The following IL1R2 variants were observed in gnomAD, a reference collection of about 807,000 sequenced individuals.
IL1R2 encodes the protein interleukin 1 receptor type 2.
Under a neutral mutation model 39.5 loss-of-function variants are expected in IL1R2, and 46 were observed. The ratio of observed to expected loss-of-function variants is 1.16; its 90% CI spans 0.92 to 1.49. The LOEUF (loss-of-function observed/expected upper bound fraction) is 1.49, where lower values mean the gene tolerates loss of function less well. Among genes scored for constraint, IL1R2 ranks in the 40% most tolerant of loss-of-function variants. The pLI is 0.00. For synonymous variants in IL1R2, 207 were observed against 189.6 expected, an observed-to-expected ratio of 1.09 and a Z score of -0.75; for missense variants, 537 against 502.0, an observed-to-expected ratio of 1.07 and a Z score of -0.67.
intron 3 of IL1R2, among the ~76,000 whole-genome samples, chr2:102,015,427 C>G (rs1676933769): frequency 6.6e-6 from 1 of 152,158 alleles, no homozygotes; most frequent in African/African-American, 2.4e-5. Flanking sequence ...TATAGATGTT[C>G]CTCGACTTAC....
chr2:101,995,426 G>A (rs1316672786), intron 1 of IL1R2, among the ~76,000 whole-genome samples: 1 of 152,184 alleles, frequency 6.6e-6, no homozygotes, highest in Admixed American at 6.5e-5. Flanking sequence ...GCTCAGTCCT[G>A]CAGTCATAAT....
chr2:102,027,903 G>A (rs1020474613), intron 8 of IL1R2, among the ~76,000 whole-genome samples: 1 of 152,070 alleles, frequency 6.6e-6, no homozygotes, highest in Non-Finnish European at 1.5e-5. Flanking sequence ...TGTCACAGTT[G>A]GCCAACTGTG....
At chr2:102,022,045 C>T (rs1449439790) in intron 5 of IL1R2, 142 bp from the exon 6 acceptor site, 6 of 707,846 alleles carry the variant, frequency 8.5e-6, no homozygotes, top group Non-Finnish European at 1.5e-5. Flanking sequence ...AGCCTGTTTC[C>T]TTTGCCAGAC....
chr2:101,997,212 AG>A (rs1675634736), intron 1 of IL1R2, among the ~76,000 whole-genome samples: 1 of 152,114 alleles, frequency 6.6e-6, no homozygotes, highest in African/African-American at 2.4e-5. Flanking sequence ...GGAAAACCCG[AG>A]GTCTGGTGCC....
intron 1 of IL1R2, among the ~76,000 whole-genome samples, chr2:101,995,248 T>G (rs1372804837): frequency 1.3e-5 from 2 of 152,108 alleles, no homozygotes; most frequent in Non-Finnish European, 2.9e-5. Context: ...TAAAAGAGGA[T>G]CAGGAGGTCA....
At chr2:102,000,034 A>G (rs1335833480) in intron 1 of IL1R2, among the ~76,000 whole-genome samples, 1 of 152,200 alleles carries the variant, frequency 6.6e-6, no homozygotes, top group East Asian at 1.9e-4. Context: ...AATACCGACG[A>G]GTTCTCAGGC....
At chr2:102,014,970 A>C (rs1257742032) in intron 3 of IL1R2, among the ~76,000 whole-genome samples, 1 of 135,082 alleles carries the variant, frequency 7.4e-6, no homozygotes, top group Non-Finnish European at 1.5e-5. Context: ...AATAATAATA[A>C]TAATAATCAT....
rs910614022 is a variant in IL1R2, at chr2:102,009,820, C to T, written c.326C>T (p.Thr109Ile). The T allele has an allele frequency of 6.2e-7, 1 of 1,614,064 alleles. No individual in the cohort carries two copies. Among genetic ancestry groups the T allele is most frequent in the Admixed American group, 1.7e-5 (1 of 60,026 alleles). ...GAGGACTCTGGCACCTACGTCTGCA[C>T]TACTAGGTAAGTCTCCCTGTGCGGG... Reference protein sequence around the residue: ...LQEDSGTYVCTTRNASYCDKM... With the variant: ...LQEDSGTYVCITRNASYCDKM... The change falls in exon 3 of 9, where the codon ACT becomes ATT. Residue 109 changes from threonine (T) to isoleucine (I), a missense_variant. Thr to Ile is a moderately conservative substitution (Grantham distance 89, BLOSUM62 -1). Transcript: ENST00000332549.
rs116914549 is a variant in IL1R2, at chr2:102,002,558, T to A, written c.-61-5957T>A. On this transcript the variant is annotated intron_variant, in intron 1 of 8. Transcript: ENST00000332549. ...CTAGGTCTGTGTCTATGTCTATGTG[T>A]ATGTCTAATCTAGGTCTCAGTTTAT... is the stretch of plus-strand genomic sequence containing the variant. Among the ~76,000 whole-genome samples, 598 of 151,858 alleles carry A rather than the reference T, an allele frequency of 3.9e-3. 7 individuals carry two copies. In the East Asian group the frequency reaches 0.049, roughly 12 times the overall value.
Position 102,022,227 on chromosome 2 carries a change from C to G in IL1R2, c.729C>G (p.Leu243=). The change falls in exon 6 of 9, where the codon CTC becomes CTG. Residue 243 remains leucine, a synonymous_variant. Coordinates refer to ENST00000332549, the MANE Select transcript of IL1R2 (RefSeq NM_004633.4). ...EETIPVIISP[L]KTISASLGSR... ...CCATTCCTGTGATCATTTCCCCCCT[C>G]AAGACCATATCAGCTTCTCTGGGTA... 6.2e-7 allele frequency: 1 copy of G among 1,613,826 alleles called. No homozygotes were observed. Among genetic ancestry groups the G allele is most frequent in the Non-Finnish European group, 8.5e-7 (1 of 1,179,680 alleles).
At position 102,016,040 on chromosome 2, in the gene IL1R2, C is replaced by A. The variant is rs773748335; in HGVS notation, c.502C>A (p.Gln168Lys). 18 of 1,612,984 alleles carry A rather than the reference C, an allele frequency of 1.1e-5. No individual in the cohort carries two copies. The South Asian group carries it at 2.0e-4, about 18-fold the overall frequency. ...FTRDKTDVKI[Q>K]WYKDSLLLDK... ...CCGTGACAAAACTGACGTGAAGATT[C>A]AATGGTACAAGGTACGGCTTTAAAA... The change falls in exon 4 of 9, where the codon CAA (glutamine) becomes AAA (lysine). Residue 168 changes from glutamine (Q) to lysine (K), a missense_variant. Coordinates refer to ENST00000332549, the MANE Select transcript of IL1R2 (RefSeq NM_004633.4).
intron 1 of IL1R2, among the ~76,000 whole-genome samples, chr2:102,002,752 A>G (rs151154874): frequency 3.0e-4 from 42 of 140,796 alleles, no homozygotes; most frequent in African/African-American, 1.1e-3. Flanking sequence ...CTATGTCTAT[A>G]TCTATATCTA....
rs369253709 is a variant in IL1R2 at position 102,016,055 on chromosome 2, C to T, written c.513+4C>T. The T allele has an allele frequency of 6.3e-5, 100 of 1,589,534 alleles. No homozygotes were observed. The African/African-American group carries it at 7.9e-4, about 13-fold the overall frequency. On this transcript the variant is annotated splice_donor_region_variant and intron_variant, in intron 4 of 8. Transcript: ENST00000332549. The stretch of plus-strand genomic sequence containing the variant: ...CGTGAAGATTCAATGGTACAAGGTA[C>T]GGCTTTAAAAAATGCCATTTTACTA...
rs1676492066 is a variant in IL1R2, at chr2:102,009,654, C to T, written c.160C>T (p.Pro54Ser). ...EPVALRCPQV[P>S]YWLWASVSPR... ...TGTAGCCCTGAGGTGCCCCCAGGTG[C>T]CCTACTGGTTGTGGGCCTCTGTCAG... Residue 54 changes from proline (P) to serine (S), a missense_variant, in exon 3 of 9, where the codon CCC becomes TCC. By Grantham distance (74) the Pro-to-Ser change is moderately conservative. Transcript: ENST00000332549. The T allele has an allele frequency of 1.2e-6, 2 of 1,614,160 alleles. No homozygotes were observed. The highest frequency in any genetic ancestry group is 1.7e-6 in the Non-Finnish European group (2 of 1,180,026).
At chr2:101,994,613 C>A (rs1675500796) in intron 1 of IL1R2, among the ~76,000 whole-genome samples, 1 of 152,192 alleles carries the variant, frequency 6.6e-6, no homozygotes, top group Non-Finnish European at 1.5e-5. Context: ...TGCTAGGGGA[C>A]CACACTTTGA....
At chr2:102,026,382 G>C (rs1250989935) in intron 8 of IL1R2, 129 bp downstream of exon 8, 1 of 767,478 alleles carries the variant, frequency 1.3e-6, no homozygotes, top group East Asian at 2.8e-5. Flanking sequence ...CTAGTGGAGA[G>C]CTGAAAAGAA....
At chr2:102,022,414 T>G (rs1316728858) in intron 6 of IL1R2, among the ~76,000 whole-genome samples, 165 bp downstream of exon 6, 4 of 152,108 alleles carry the variant, frequency 2.6e-5, no homozygotes, top group Non-Finnish European at 5.9e-5. Context: ...GAATAACAAG[T>G]GTGAGGAAAT....
At chr2:102,019,604 A>G (rs368800991) in intron 4 of IL1R2, 34 bp from the exon 5 acceptor site, 290 of 1,455,258 alleles carry the variant, frequency 2.0e-4, no homozygotes, top group Non-Finnish European at 2.5e-4. Context: ...GTATATTGGT[A>G]TAATGTCAAC....
intron 4 of IL1R2, among the ~76,000 whole-genome samples, chr2:102,017,011 G>GA (rs1012426195): frequency 3.9e-5 from 6 of 152,172 alleles, no homozygotes; most frequent in African/African-American, 1.4e-4. Flanking sequence ...CATAACAGCT[G>GA]AAGGAAATAA....
Sources: gnomAD v4.1 joint callset for allele counts (sites outside exome capture counted in the v4.1 genomes callset) on GRCh38, gnomAD v4.1.1 for gene constraint, MANE v1.5 for transcripts, NCBI Gene and HGNC (gene_info 2026-07-23, HGNC 2026-07-21) for gene names.